The following C1QL3 variants were observed in gnomAD, a reference collection of about 807,000 sequenced individuals.
C1QL3 encodes the protein complement C1q like 3.
A neutral mutation model predicts 16.6 loss-of-function variants in C1QL3; 4 were observed. That is an observed-to-expected ratio of 0.24 (90% CI 0.12 to 0.55). The LOEUF is 0.55. Among genes scored for constraint, C1QL3 ranks in the 20% least tolerant of loss-of-function variants. The probability of loss-of-function intolerance (pLI) is 0.94; values close to 1 mark genes in which losing one functional copy is unlikely to be tolerated. For synonymous variants in C1QL3, 189 were observed against 160.2 expected (o/e 1.18, Z -1.36); for missense variants, 269 against 365.6 (o/e 0.74, Z 2.16).
At chr10:16,518,697 C>A (rs1277301200) in intron 1 of C1QL3, among the ~76,000 whole-genome samples, 5 of 152,146 alleles carry the variant, frequency 3.3e-5, no homozygotes, top group Admixed American at 3.3e-4. Context: ...AGCATTTTTA[C>A]ACATTTGCTG....
chr10:16,520,592 G>A lies in C1QL3; in HGVS notation c.474C>T (p.Pro158=). 1.2e-6 allele frequency: 2 copies of A among 1,613,750 alleles called. No homozygotes were observed. The highest frequency in any genetic ancestry group is 1.7e-6 in the Non-Finnish European group (2 of 1,179,818). The change falls in exon 1 of 2, where the codon CCC becomes CCT. Residue 158 remains proline, a synonymous_variant. Coordinates refer to ENST00000298943, the MANE Select transcript of C1QL3 (RefSeq NM_001010908.2). The surrounding 1 kb of genome is among the most constrained non-coding windows in gnomAD (Gnocchi z 8.3). Reference sequence around the variant, plus strand: ...TGGAGCAGGTGAACTTGCCGGTGGTGGGGTCGTAGTGGTTTCCGAGGTTGG... The same window carrying A: ...TGGAGCAGGTGAACTTGCCGGTGGTAGGGTCGTAGTGGTTTCCGAGGTTGG... ...VVTNLGNHYD[P]TTGKFTCSIP...
intron 1 of C1QL3, among the ~76,000 whole-genome samples, chr10:16,517,888 C>T (rs1227682754): frequency 1.3e-5 from 2 of 152,190 alleles, no homozygotes; most frequent in Non-Finnish European, 2.9e-5. Flanking sequence ...GGTTAATTTA[C>T]TGGTCTTTGA....
In C1QL3 at chr10:16,520,441, T is replaced by TCCCACCCCCCCCACC; in HGVS notation, c.588+36_588+37insGGTGGGGGGGGTGGG. The TCCCACCCCCCCCACC allele has an allele frequency of 8.1e-7, 1 of 1,227,532 alleles. No individual in the cohort carries two copies. The highest frequency in any genetic ancestry group is 1.1e-6 in the Non-Finnish European group (1 of 881,044). The allele number at this position is 1,227,532 out of a possible 1,614,324, so 76.0% of individuals were successfully genotyped here. ...CCCTCTCGCCCGCACCTTCCCGCGC[T>TCCCACCCCCCCCACC]CCCTCCCCGCCCTCCCCGCCGCCCG... On this transcript the variant is annotated intron_variant, in intron 1 of 1. Transcript: ENST00000298943. This position sits in a 1 kb window ranked among gnomAD's most constrained non-coding sequence, Gnocchi z 8.3.
intron 1 of C1QL3, among the ~76,000 whole-genome samples, chr10:16,516,818 C>T (rs183304294): frequency 1.3e-5 from 2 of 152,302 alleles, no homozygotes; most frequent in East Asian, 1.9e-4. Context: ...TGAAAGGTTA[C>T]CCTCACAGTT....
Position 16,521,044 on chromosome 10 carries a change from G to A in C1QL3, c.22C>T (p.Leu8Phe), listed in dbSNP as rs1276711172. Residue 8 changes from leucine to phenylalanine, a missense_variant, in exon 1 of 2, where the codon CTC (leucine) becomes TTC (phenylalanine). This residue lies in a region of C1QL3 where 246 missense variants were observed against 297.2 expected (regional missense o/e 0.83). Coordinates refer to ENST00000298943, the MANE Select transcript of C1QL3 (RefSeq NM_001010908.2). MVLLLVI[L>F]IPVLVSSAGT... ...GCCGAGCTCACCAGCACCGGGATGAGGATCACCAGCAGCAGCACCATCACC... is the reference window on the plus strand; with the variant it reads ...GCCGAGCTCACCAGCACCGGGATGAAGATCACCAGCAGCAGCACCATCACC... 6.2e-7 allele frequency: 1 copy of A among 1,600,602 alleles called. No individual in the cohort carries two copies. The highest frequency in any genetic ancestry group is 1.3e-5 in the African/African-American group (1 of 74,740).
Position 16,520,747 on chromosome 10 carries a change from C to A in C1QL3, c.319G>T (p.Ala107Ser). ...GRQGLPGPPGAPGLNAAGAIS... is the reference protein window; with the variant it reads ...GRQGLPGPPGSPGLNAAGAIS... The stretch of plus-strand genomic sequence containing the variant: ...GCCCCGGCCGCGTTCAGGCCGGGCG[C>A]CCCGGGCGGGCCCGGCAGGCCTTGG... The change falls in exon 1 of 2, where the codon GCG (alanine) becomes TCG (serine). Residue 107 changes from alanine to serine, a missense_variant. Around this residue, in one of 2 missense-constraint regions of C1QL3, gnomAD observed 246 missense variants for 297.2 expected, o/e 0.83. Transcript: ENST00000298943. The surrounding 1 kb of genome is among the most constrained non-coding windows in gnomAD (Gnocchi z 8.3). The A allele has an allele frequency of 7.0e-7, 1 of 1,424,246 alleles. No homozygotes were observed. Among genetic ancestry groups the A allele is most frequent in the Non-Finnish European group, 9.2e-7 (1 of 1,086,154 alleles). 88.2% of individuals were successfully genotyped at this position (1,424,246 alleles called of 1,614,324 possible). A position where few individuals can be genotyped will look rare whatever the true frequency, so the allele number is the denominator to read the frequency against.
At chr10:16,519,556 T>A (rs1165866334) in intron 1 of C1QL3, among the ~76,000 whole-genome samples, 1 of 152,122 alleles carries the variant, frequency 6.6e-6, no homozygotes, top group Non-Finnish European at 1.5e-5. Context: ...TGCAATGACC[T>A]CGAATTTCTC....
chr10:16,517,683 G>A (rs764072973), intron 1 of C1QL3, among the ~76,000 whole-genome samples: 2 of 152,152 alleles, frequency 1.3e-5, no homozygotes, highest in Non-Finnish European at 1.5e-5. Context: ...TGAGAGCTGC[G>A]GTCATTTTAG....
chr10:16,521,430 G>A lies in C1QL3; in HGVS notation c.-365C>T, dbSNP rs1837042672. ...GCCGGCGCCGGCGCGGCCACCGGGA[G>A]GGCAGAGCCAGCCGCCGCCTCCTGA... On this transcript the variant is annotated 5_prime_UTR_variant, in exon 1 of 2. Transcript: ENST00000298943. 5.6e-6 allele frequency: 1 copy of A among 179,736 alleles called. No individual in the cohort carries two copies. The highest frequency in any genetic ancestry group is 2.4e-5 in the African/African-American group (1 of 42,428). 11.1% of individuals were successfully genotyped at this position (179,736 alleles called of 1,614,324 possible).
Position 16,521,341 on chromosome 10 carries a change from GGCCGGGGGAGGGGTGCGCGGGGC to G in C1QL3, c.-299_-277del, listed in dbSNP as rs1564418738. On this transcript the variant is annotated 5_prime_UTR_variant, in exon 1 of 2. Transcript: ENST00000298943. ...GCCGAAGTCCCGAGCCCGGGGTGGG[GGCCGGGGGAGGGGTGCGCGGGGC>G]GCCCTCGCCCCCCGCGAGCTCCTTC... The G allele has an allele frequency of 2.8e-6, 1 of 354,758 alleles. No individual in the cohort carries two copies. The highest frequency in any genetic ancestry group is 2.1e-5 in the African/African-American group (1 of 46,560). 22.0% of individuals were successfully genotyped at this position (354,758 alleles called of 1,614,324 possible). A position where few individuals can be genotyped will look rare whatever the true frequency, so the allele number is the denominator to read the frequency against.
Position 16,521,094 on chromosome 10 carries a change from A to T in C1QL3, c.-29T>A, listed in dbSNP as rs754346866. On this transcript the variant is annotated 5_prime_UTR_variant, in exon 1 of 2. Coordinates refer to ENST00000298943, the MANE Select transcript of C1QL3 (RefSeq NM_001010908.2). ...CACCCCCAGCGCCCCGGCGGCGATC[A>T]GGCGCCTCCTGCTGCCCACCAGCCG... is the stretch of plus-strand genomic sequence containing the variant. The T allele has an allele frequency of 6.4e-7, 1 of 1,565,670 alleles. No individual in the cohort carries two copies. Among genetic ancestry groups the T allele is most frequent in the Non-Finnish European group, 8.6e-7 (1 of 1,158,602 alleles).
At chr10:16,519,044 T>A (rs1235579596) in intron 1 of C1QL3, among the ~76,000 whole-genome samples, 1 of 151,816 alleles carries the variant, frequency 6.6e-6, no homozygotes, top group Non-Finnish European at 1.5e-5. Context: ...TTTTCCTCTT[T>A]TTGTTATATG....
chr10:16,516,017 A>G (rs947411707), intron 1 of C1QL3, among the ~76,000 whole-genome samples: 1 of 152,176 alleles, frequency 6.6e-6, no homozygotes. Flanking sequence ...TTTTCTTGTG[A>G]TATAGTCTCA....
At chr10:16,514,858 A>G in intron 1 of C1QL3, 151 bp from the exon 2 acceptor site, 1 of 622,568 alleles carries the variant, frequency 1.6e-6, no homozygotes, top group South Asian at 2.1e-5. Context: ...TTATGAGGAT[A>G]GTGCTGTGGC....
At position 16,514,213 on chromosome 10, in the gene C1QL3, T is replaced by C. The variant is rs1268633909; in HGVS notation, c.*315A>G. 1.2e-5 allele frequency: 5 copies of C among 430,574 alleles called. No individual in the cohort carries two copies. The East Asian group carries it at 1.7e-4, about 15-fold the overall frequency. 26.7% of individuals were successfully genotyped at this position (430,574 alleles called of 1,614,324 possible). On this transcript the variant is annotated 3_prime_UTR_variant, in exon 2 of 2. Transcript: ENST00000298943. ...ACAGTACACCAAAGTATCATATATATAGAAGAAATAATTCAATGTCTTAGA... is the reference window on the plus strand; with the variant it reads ...ACAGTACACCAAAGTATCATATATACAGAAGAAATAATTCAATGTCTTAGA...
Position 16,520,445 on chromosome 10 carries a change from T to TCCCCC in C1QL3, c.588+32_588+33insGGGGG. On this transcript the variant is annotated intron_variant, in intron 1 of 1. Coordinates refer to ENST00000298943, the MANE Select transcript of C1QL3 (RefSeq NM_001010908.2). The surrounding 1 kb of genome is among the most constrained non-coding windows in gnomAD (Gnocchi z 8.3). Reference sequence around the variant, plus strand: ...CTCGCCCGCACCTTCCCGCGCTCCCTCCCCGCCCTCCCCGCCGCCCGCCCG... The same window carrying TCCCCC: ...CTCGCCCGCACCTTCCCGCGCTCCCTCCCCCCCCCGCCCTCCCCGCCGCCCGCCCG... The TCCCCC allele has an allele frequency of 1.5e-5, 8 of 527,482 alleles. No homozygotes were observed. The highest frequency in any genetic ancestry group is 5.6e-5 in the East Asian group (1 of 17,916). 32.7% of individuals were successfully genotyped at this position (527,482 alleles called of 1,614,324 possible). A position where few individuals can be genotyped will look rare whatever the true frequency, so the allele number is the denominator to read the frequency against.
chr10:16,517,575 A>G (rs1328940466), intron 1 of C1QL3, among the ~76,000 whole-genome samples: 3 of 152,196 alleles, frequency 2.0e-5, no homozygotes, highest in Non-Finnish European at 4.4e-5. Context: ...TTCCAAATGT[A>G]AAGCTATTTG....
intron 1 of C1QL3, among the ~76,000 whole-genome samples, chr10:16,516,842 T>G (rs905044084): frequency 6.6e-6 from 1 of 152,200 alleles, no homozygotes; most frequent in African/African-American, 2.4e-5. Context: ...ACCACCTTTG[T>G]TGGATCAAGC....
chr10:16,515,765 T>G (rs947608438), intron 1 of C1QL3, among the ~76,000 whole-genome samples: 5 of 152,208 alleles, frequency 3.3e-5, no homozygotes, highest in African/African-American at 1.2e-4. Context: ...TAGATTTGAT[T>G]TATTTCAGTA....
Sources: gnomAD v4.1 joint callset for allele counts (sites outside exome capture counted in the v4.1 genomes callset) on GRCh38, gnomAD v4.1.1 for gene constraint, gnomAD v4.1.1 regional missense constraint, Gnocchi (gnomAD v3.1) non-coding constraint, MANE v1.5 for transcripts, NCBI Gene and HGNC (gene_info 2026-07-23, HGNC 2026-07-21) for gene names.